The following CCL26 variants were observed in gnomAD, a reference collection of about 807,000 sequenced individuals.
CCL26 encodes the protein C-C motif chemokine 26.
CCL26 carries 10 observed loss-of-function variants against 10.7 expected under a neutral mutation model. The observed-to-expected ratio is 0.93, with a 90% confidence interval of 0.57 to 1.58. The LOEUF (loss-of-function observed/expected upper bound fraction) is 1.58. Ranked by LOEUF, CCL26 falls within the 40% of genes most tolerant of loss-of-function variation. The pLI is 0.00. For missense variants in CCL26, 116 were observed against 111.0 expected (o/e 1.05, Z -0.20); for synonymous variants, 43 against 41.4 (o/e 1.04, Z -0.15).
At chr7:75,770,499 A>G (rs1166559906) in intron 2 of CCL26, among the ~76,000 whole-genome samples, 4 of 151,608 alleles carry the variant, frequency 2.6e-5, no homozygotes, top group African/African-American at 4.9e-5. Context: ...CTTCCGCCTC[A>G]GCCTCCCAAG....
At chr7:75,774,360 T>C (rs1802889931), upstream of CCL26, among the ~76,000 whole-genome samples, 1 of 151,968 alleles carries the variant, frequency 6.6e-6, no homozygotes, top group Admixed American at 6.6e-5. Context: ...TGTTGGTCAG[T>C]CTTGTCTCGA....
At chr7:75,785,088 G>T (rs1803154476) in intron 1 of CCL26, among the ~76,000 whole-genome samples, 1 of 152,010 alleles carries the variant, frequency 6.6e-6, no homozygotes, top group Non-Finnish European at 1.5e-5. Context: ...AAATTGTTTT[G>T]CCTATCCACC....
intron 1 of CCL26, among the ~76,000 whole-genome samples, chr7:75,779,150 T>C (rs1469899795): frequency 6.6e-6 from 1 of 152,068 alleles, no homozygotes; most frequent in Non-Finnish European, 1.5e-5. Context: ...CATTTGACTG[T>C]AATTTTCCAT....
At chr7:75,791,154 G>A (rs1554530804), upstream of CCL26, among the ~76,000 whole-genome samples, 1 of 151,630 alleles carries the variant, frequency 6.6e-6, no homozygotes. Context: ...AGCCTCCCGA[G>A]TAGCTGGGAT....
At chr7:75,791,146 C>T (rs1232321324), upstream of CCL26, among the ~76,000 whole-genome samples, 1 of 151,712 alleles carries the variant, frequency 6.6e-6, no homozygotes, top group African/African-American at 2.4e-5. Flanking sequence ...CCTGCCTCAG[C>T]CTCCCGAGTA....
upstream of CCL26, chr7:75,789,997 T>TCTCCCCCCCTCCCCCCC (rs1803287643): frequency 8.9e-6 from 1 of 112,302 alleles, no homozygotes; most frequent in Non-Finnish European, 1.8e-5. Flanking sequence ...GTCTTACGGT[T>TCTCCCCCCCTCCCCCCC]CTCCCTCCCT....
upstream of CCL26, among the ~76,000 whole-genome samples, chr7:75,774,541 G>A (rs183053955): frequency 1.2e-4 from 18 of 152,044 alleles, no homozygotes; most frequent in South Asian, 2.5e-3. Flanking sequence ...CCACCTCCTG[G>A]GTTCGAATGA....
At chr7:75,771,734 G>T (rs184523638) in intron 2 of CCL26, among the ~76,000 whole-genome samples, 155 bp downstream of exon 2, 1 of 152,166 alleles carries the variant, frequency 6.6e-6, no homozygotes, top group Non-Finnish European at 1.5e-5. Context: ...GAAAAAAAAA[G>T]TCAGGTTCTA....
At chr7:75,779,212 T>C (rs1803007654) in intron 1 of CCL26, among the ~76,000 whole-genome samples, 1 of 152,058 alleles carries the variant, frequency 6.6e-6, no homozygotes, top group Non-Finnish European at 1.5e-5. Context: ...CTTCGCTGAC[T>C]CTTTTCAGAC....
chr7:75,778,865 T>TTG, intron 1 of CCL26, among the ~76,000 whole-genome samples: 1 of 151,906 alleles, frequency 6.6e-6, no homozygotes, highest in African/African-American at 2.4e-5. Context: ...GGCAGATCAC[T>TTG]AGGTCAGGAG....
At chr7:75,789,186 C>A (rs1213764948) in intron 1 of CCL26, among the ~76,000 whole-genome samples, 2 of 148,844 alleles carry the variant, frequency 1.3e-5, no homozygotes, top group Non-Finnish European at 3.0e-5. Context: ...CTCAAGTGAT[C>A]CTCCTGCCTC....
upstream of CCL26, among the ~76,000 whole-genome samples, chr7:75,776,513 AAAGGAAGGAAGGAAGG>A (rs58177095): frequency 0.19 from 20,898 of 108,764 alleles, 2,534 homozygotes; most frequent in Admixed American, 0.26. Context: ...TGCACTCCAA[AAAGGAAGGAAGGAAGG>A]AAGGAAGGAA....
At position 75,769,721 on chromosome 7, in the gene CCL26, G is replaced by T. The variant is rs782716091; in HGVS notation, c.257C>A (p.Ser86Tyr). 6.2e-7 allele frequency: 1 copy of T among 1,612,154 alleles called. No individual in the cohort carries two copies. Among genetic ancestry groups the T allele is most frequent in the South Asian group, 1.1e-5 (1 of 91,046 alleles). ...PRKKWVQKYI[S>Y]LLKTPKQL ...CAATTGTTTCGGAGTTTTCAGTAAA[G>T]AAATGTATTTTTGCACCCATTTTTT... Residue 86 changes from serine (S) to tyrosine (Y), a missense_variant, in exon 3 of 3, where the codon TCT becomes TAT. Coordinates refer to ENST00000005180, the MANE Select transcript of CCL26 (RefSeq NM_001371938.1).
intron 1 of CCL26, among the ~76,000 whole-genome samples, chr7:75,782,431 C>T (rs1460579615): frequency 2.6e-5 from 4 of 152,100 alleles, no homozygotes; most frequent in Admixed American, 6.6e-5. Flanking sequence ...TTTGGCTGCT[C>T]ACCCACATTG....
At chr7:75,772,078 AG>A in intron 1 of CCL26, 25 bp downstream of exon 1, 1 of 1,604,824 alleles carries the variant, frequency 6.2e-7, no homozygotes, top group South Asian at 1.1e-5. Context: ...AAGGAACCCC[AG>A]GAGGGGAATG....
Position 75,777,721 on chromosome 7 carries a change from G to GAAAAAAAAAAAAAA in CCL26, c.-78-5481_-78-5468dup, listed in dbSNP as rs60039632. Among the ~76,000 whole-genome samples, 10 of 60,540 alleles carry GAAAAAAAAAAAAAA rather than the reference G, an allele frequency of 1.7e-4. 3 individuals are homozygous for GAAAAAAAAAAAAAA. Among genetic ancestry groups the GAAAAAAAAAAAAAA allele is most frequent in the East Asian group, 5.6e-4 (1 of 1,788 alleles). The allele number at this position is 60,540 out of a possible 152,430, so 39.7% of individuals were successfully genotyped here. A position where few individuals can be genotyped will look rare whatever the true frequency, so the allele number is the denominator to read the frequency against. ...CCCAACAGAGTGAGATCCTGTCTCA[G>GAAAAAAAAAAAAAA]AAAAAAAAAAAAAAAAAAAAAGCAG... On this transcript the variant is annotated intron_variant, in intron 1 of 3. Coordinates refer to the CCL26 transcript ENST00000394905.
chr7:75,779,950 C>T, intron 1 of CCL26, among the ~76,000 whole-genome samples: 1 of 147,514 alleles, frequency 6.8e-6, no homozygotes, highest in Non-Finnish European at 1.5e-5. Flanking sequence ...GTCCATGTCT[C>T]TACCCTCTCT....
intron 1 of CCL26, among the ~76,000 whole-genome samples, chr7:75,781,455 G>A (rs190829957): frequency 6.6e-6 from 1 of 152,316 alleles, no homozygotes; most frequent in East Asian, 1.9e-4. Flanking sequence ...CTGGGCCAAG[G>A]AATGCCCGCA....
At chr7:75,790,106 TTTCTC>T (rs1299813246), upstream of CCL26, among the ~76,000 whole-genome samples, 1 of 148,270 alleles carries the variant, frequency 6.7e-6, no homozygotes, top group African/African-American at 2.5e-5. Flanking sequence ...TCTCCCTCCT[TTTCTC>T]TTTCTTTTTC....
Sources: gnomAD v4.1 joint callset for allele counts (sites outside exome capture counted in the v4.1 genomes callset) on GRCh38, gnomAD v4.1.1 for gene constraint, MANE v1.5 for transcripts, NCBI Gene and HGNC (gene_info 2026-07-23, HGNC 2026-07-21) for gene names.